FAT1: variants seen among roughly 807,000 people sequenced by gnomAD.
FAT1 encodes protocadherin Fat 1.
FAT1 carries 171 observed loss-of-function variants against 329.8 expected under a neutral mutation model. The ratio of observed to expected loss-of-function variants is 0.52; its 90% CI spans 0.46 to 0.59. The LOEUF is 0.59. Among genes scored for constraint, FAT1 ranks in the 20% least tolerant of loss-of-function variants. The pLI is 0.00. For synonymous variants in FAT1, 2,233 were observed against 2,228.6 expected (o/e 1.00, Z -0.06); for missense variants, 5,672 against 5,774.4 (o/e 0.98, Z 0.57).
chr4:186,660,467 G>C (rs1275304082), intron 3 of FAT1, among the ~76,000 whole-genome samples: 1 of 152,218 alleles, frequency 6.6e-6, no homozygotes, highest in East Asian at 1.9e-4. Flanking sequence ...TAACCACAGA[G>C]TTTTTAACAT....
chr4:186,723,496 C>T (rs1745554713), intron 1 of FAT1, among the ~76,000 whole-genome samples, 168 bp downstream of exon 1: 1 of 152,216 alleles, frequency 6.6e-6, no homozygotes, highest in Admixed American at 6.5e-5. Context: ...CTGAATTTCC[C>T]AACTGGGAAG....
rs767778268 is a variant in FAT1 at position 186,618,989 on chromosome 4, T to C, written c.7597A>G (p.Asn2533Asp). The change falls in exon 10 of 27, where the codon AAT becomes GAT. Residue 2533 changes from asparagine to aspartate, a missense_variant. Coordinates refer to ENST00000441802, the MANE Select transcript of FAT1 (RefSeq NM_005245.4). ...TAAAATCTGTCTTTGGCAAAGTCAT[T>C]TACAATATGGTAAGTAACGTGACCA... ...IYGHVTYHIV[N>D]DFAKDRFYIN... The C allele has an allele frequency of 1.2e-6, 2 of 1,613,978 alleles. No homozygotes were observed. The highest frequency in any genetic ancestry group is 2.7e-5 in the African/African-American group (2 of 75,044).
At chr4:186,670,972 G>C (rs1033284593) in intron 2 of FAT1, among the ~76,000 whole-genome samples, 1 of 152,132 alleles carries the variant, frequency 6.6e-6, no homozygotes, top group Non-Finnish European at 1.5e-5. Flanking sequence ...ACATACTCAT[G>C]TAAGATGTCA....
intron 2 of FAT1, among the ~76,000 whole-genome samples, chr4:186,695,505 A>C (rs867945863): frequency 3.8e-4 from 58 of 152,136 alleles, no homozygotes; most frequent in South Asian, 2.1e-4. Flanking sequence ...AAAAAGGACA[A>C]ATTTAAAAGG....
chr4:186,725,916 T>C (rs1745703198), upstream of FAT1, among the ~76,000 whole-genome samples: 2 of 152,230 alleles, frequency 1.3e-5, no homozygotes, highest in South Asian at 4.1e-4. This position sits in a 1 kb window ranked among gnomAD's most constrained non-coding sequence, Gnocchi z 5.4. Context: ...CAGTGAAGAC[T>C]GGGGTGAGCA....
intron 21 of FAT1, among the ~76,000 whole-genome samples, chr4:186,600,833 C>A (rs1738779075): frequency 6.6e-6 from 1 of 152,176 alleles, no homozygotes; most frequent in Non-Finnish European, 1.5e-5. Context: ...GCCTCAGCCT[C>A]CTGAGTAGCT....
chr4:186,703,023 C>T (rs372601738), intron 2 of FAT1, among the ~76,000 whole-genome samples: 6 of 152,076 alleles, frequency 3.9e-5, no homozygotes, highest in African/African-American at 1.4e-4. Context: ...CTAACGAGAC[C>T]GACTTTCCAA....
rs754820384 is a variant in FAT1 at position 186,588,989 on chromosome 4, T to C, written c.13370A>G (p.Asn4457Ser). 7.4e-6 allele frequency: 12 copies of C among 1,613,974 alleles called. No individual in the cohort carries two copies. Among genetic ancestry groups the C allele is most frequent in the East Asian group, 2.2e-5 (1 of 44,880 alleles). ...ELPPLPPEFSNQFESIHPPRD... is the reference protein window; with the variant it reads ...ELPPLPPEFSSQFESIHPPRD... Reference sequence around the variant, plus strand: ...AGGAGGGTGGATGGATTCAAACTGATTGCTGAATTCGGGCGGTAACGGTGG... The same window carrying C: ...AGGAGGGTGGATGGATTCAAACTGACTGCTGAATTCGGGCGGTAACGGTGG... Residue 4457 changes from asparagine (N) to serine (S), a missense_variant, in exon 27 of 27, where the codon AAT (asparagine) becomes AGT (serine). Coordinates refer to ENST00000441802, the MANE Select transcript of FAT1 (RefSeq NM_005245.4).
At chr4:186,644,433 T>C (rs1000609523) in intron 3 of FAT1, among the ~76,000 whole-genome samples, 6 of 152,176 alleles carry the variant, frequency 3.9e-5, no homozygotes, top group Admixed American at 3.9e-4. Context: ...CTTTCCTTGG[T>C]CCAGAAAAAC....
At chr4:186,632,354 G>A (rs1050358691) in intron 7 of FAT1, among the ~76,000 whole-genome samples, 2 of 152,146 alleles carry the variant, frequency 1.3e-5, no homozygotes, top group African/African-American at 2.4e-5. Flanking sequence ...CTGGGTAGTC[G>A]ATTCTGTGAA....
intron 2 of FAT1, among the ~76,000 whole-genome samples, chr4:186,676,302 GGGA>G (rs1266279673): frequency 2.7e-5 from 4 of 149,636 alleles, no homozygotes; most frequent in Non-Finnish European, 5.9e-5. Context: ...AAAAAAAACA[GGGA>G]GAAGAGGATA....
rs1272803290 is a variant in FAT1 at position 186,603,840 on chromosome 4, G to A, written c.10686C>T (p.Gly3562=). ...CTGTGGCATGGATCTTCCCAATGAC[G>A]CCACCTGAGTATTCTTCTCCAGAAG... The part of the protein sequence containing the change: ...ITSSGEEYSG[G]VIGKIHATDQ... Residue 3562 remains glycine (G), a synonymous_variant, in exon 19 of 27, where the codon GGC becomes GGT. Transcript: ENST00000441802. 1.9e-6 allele frequency: 3 copies of A among 1,613,818 alleles called. No individual in the cohort carries two copies. Among genetic ancestry groups the A allele is most frequent in the African/African-American group, 1.3e-5 (1 of 74,986 alleles).
At chr4:186,655,439 G>T (rs551385376) in intron 3 of FAT1, among the ~76,000 whole-genome samples, 1,502 of 95,410 alleles carry the variant, frequency 0.016, 23 homozygotes, top group African/African-American at 0.087. Flanking sequence ...ACAATAAGGT[G>T]ATTTTTTTTT....
intron 1 of FAT1, among the ~76,000 whole-genome samples, chr4:186,714,868 A>G (rs989929605): frequency 1.8e-4 from 27 of 152,328 alleles, no homozygotes; most frequent in African/African-American, 6.3e-4. Flanking sequence ...TCACGAGGTC[A>G]AGAGACCGAG....
At chr4:186,623,945 C>T (rs542403150) in intron 9 of FAT1, among the ~76,000 whole-genome samples, 4 of 152,118 alleles carry the variant, frequency 2.6e-5, no homozygotes, top group Non-Finnish European at 5.9e-5. Flanking sequence ...AAACAGGAAC[C>T]CAGCTCGTGA....
intron 1 of FAT1, among the ~76,000 whole-genome samples, chr4:186,718,632 A>G (rs327100): frequency 0.21 from 32,230 of 152,064 alleles, 3,903 homozygotes; most frequent in East Asian, 0.36. Flanking sequence ...GCGCCACTGC[A>G]CTCCAGCCTG....
intron 7 of FAT1, among the ~76,000 whole-genome samples, chr4:186,631,085 T>A (rs563688428): frequency 1.3e-5 from 2 of 152,222 alleles, no homozygotes; most frequent in African/African-American, 4.8e-5. Flanking sequence ...CCCGCTTGAC[T>A]CACCAACGGC....
chr4:186,690,094 G>C (rs957605944), intron 2 of FAT1, among the ~76,000 whole-genome samples: 1 of 152,154 alleles, frequency 6.6e-6, no homozygotes, highest in Non-Finnish European at 1.5e-5. Context: ...ACTGCATTGC[G>C]TTACAGAAAA....
At chr4:186,639,460 G>A (rs1740994349) in intron 4 of FAT1, among the ~76,000 whole-genome samples, 1 of 152,174 alleles carries the variant, frequency 6.6e-6, no homozygotes, top group Admixed American at 6.5e-5. Context: ...CCCTGTGTGT[G>A]CGCAAGCATA....
Sources: allele counts gnomAD v4.1 joint callset (sites outside exome capture counted in the v4.1 genomes callset), GRCh38; gene constraint gnomAD v4.1.1; non-coding constraint Gnocchi (gnomAD v3.1); transcripts MANE v1.5; gene names NCBI Gene and HGNC (gene_info 2026-07-23, HGNC 2026-07-21).